The following DIS3 variants were observed in gnomAD, a reference collection of about 807,000 sequenced individuals.
DIS3 encodes exosome complex exonuclease RRP44.
In DIS3, 103 loss-of-function variants were observed where a neutral mutation model predicts 113.0. The ratio of observed to expected loss-of-function variants is 0.91; its 90% CI spans 0.78 to 1.07. The LOEUF (loss-of-function observed/expected upper bound fraction) is 1.07. Among genes scored for constraint, DIS3 ranks in the 50% least tolerant of loss-of-function variants. DIS3 has a pLI of 0.00. For missense variants in DIS3, 1,121 were observed against 1,167.1 expected (o/e 0.96, Z 0.58); for synonymous variants, 402 against 394.3 (o/e 1.02, Z -0.23).
intron 2 of DIS3, among the ~76,000 whole-genome samples, chr13:72,778,689 AAT>A (rs781117719): frequency 1.2e-4 from 19 of 152,210 alleles, no homozygotes; most frequent in Admixed American, 2.0e-4. Flanking sequence ...GACACTAAAT[AAT>A]AGTTTGTTGA....
chr13:72,772,093 A>C, intron 10 of DIS3, 66 bp downstream of exon 10: 1 of 1,380,972 alleles, frequency 7.2e-7, no homozygotes, highest in Non-Finnish European at 1.0e-6. Flanking sequence ...ATTCTATTCT[A>C]GTTCAAAAGA....
Position 72,757,901 on chromosome 13 carries a change from C to T in DIS3, c.*1894G>A, listed in dbSNP as rs2033530196. The T allele has an allele frequency of 2.0e-5, 4 of 203,592 alleles. 1 individual carries two copies. The East Asian group carries it at 3.0e-4, about 15-fold the overall frequency. 12.6% of individuals were successfully genotyped at this position (203,592 alleles called of 1,614,324 possible). A position where few individuals can be genotyped will look rare whatever the true frequency, so the allele number is the denominator to read the frequency against. On this transcript the variant is annotated 3_prime_UTR_variant, in exon 21 of 21. Transcript: ENST00000377767. The stretch of plus-strand genomic sequence containing the variant: ...GAAAAATTCCTATTGCCTGGGGACA[C>T]AGCCATGGTAACATCATAGTGAAAT...
At chr13:72,763,072 A>G (rs937861794) in intron 16 of DIS3, among the ~76,000 whole-genome samples, 2 of 151,994 alleles carry the variant, frequency 1.3e-5, no homozygotes, top group African/African-American at 4.8e-5. Flanking sequence ...CCGAGATGAG[A>G]TAATTACTTG....
At chr13:72,772,128 T>C in intron 10 of DIS3, 31 bp downstream of exon 10, 1 of 1,539,128 alleles carries the variant, frequency 6.5e-7, no homozygotes. Context: ...CAGAACTATA[T>C]TTAGGTAAGA....
chr13:72,773,821 A>T lies in DIS3; in HGVS notation c.1102T>A (p.Ser368Thr), dbSNP rs1192509873. ...GCAGGTGTAAAGAGATGTCTTCTTG[A>T]CTAGCAAAAATTAGGAATAAAGATT... ...GMLSKSDIKE[S>T]RRHLFTPADK... The change falls in exon 8 of 21, where the codon TCA (serine) becomes ACA (threonine). Residue 368 changes from serine (S) to threonine (T), a missense_variant and splice_region_variant. By Grantham distance (58) the Ser-to-Thr change is moderately conservative. Transcript: ENST00000377767. 2.5e-6 allele frequency: 4 copies of T among 1,603,804 alleles called. No individual in the cohort carries two copies. Among genetic ancestry groups the T allele is most frequent in the African/African-American group, 2.7e-5 (2 of 74,228 alleles).
At chr13:72,765,300 A>AGTAATAACAGCAGAGGGATCC (rs1566241557) in intron 15 of DIS3, among the ~76,000 whole-genome samples, 3 of 152,206 alleles carry the variant, frequency 2.0e-5, no homozygotes, top group Non-Finnish European at 4.4e-5. Flanking sequence ...GAAATATAAT[A>AGTAATAACAGCAGAGGGATCC]GTAATAACAG....
rs2033901063 is a variant in DIS3 at position 72,772,183 on chromosome 13, T to A, written c.1479A>T (p.Arg493=). ...CCTCCAAATTTCCATTTTCGAGTTC[T>A]CGACAATGTAGAGCATCGTCTATAT... is the stretch of plus-strand genomic sequence containing the variant. The part of the protein sequence containing the change: ...CTDIDDALHC[R]ELENGNLEVG... Residue 493 remains arginine (R), a synonymous_variant, in exon 10 of 21, where the codon CGA becomes CGT. Coordinates refer to ENST00000377767, the MANE Select transcript of DIS3 (RefSeq NM_014953.5). 6.2e-7 allele frequency: 1 copy of A among 1,613,308 alleles called. No individual in the cohort carries two copies. The highest frequency in any genetic ancestry group is 2.2e-5 in the East Asian group (1 of 44,856).
intron 2 of DIS3, 33 bp downstream of exon 2, chr13:72,780,813 G>T: frequency 6.4e-7 from 1 of 1,562,518 alleles, no homozygotes. Flanking sequence ...TAATCCTGTG[G>T]TTTTCTGATA....
rs765661252 is a variant in DIS3, at chr13:72,773,653, TC to T, written c.1239+30del. 60 of 1,584,746 alleles carry T rather than the reference TC, an allele frequency of 3.8e-5. No individual in the cohort carries two copies. The Middle Eastern group carries it at 1.5e-3, about 40-fold the overall frequency. On this transcript the variant is annotated intron_variant, in intron 8 of 20. Transcript: ENST00000377767. The stretch of plus-strand genomic sequence containing the variant: ...CTATTCACAAAATTTTAATTAAACA[TC>T]CCCACATAAAATTAATACTTTAAGC...
rs370081794 is a variant in DIS3, at chr13:72,776,090, A to C, written c.657T>G (p.Asn219Lys). Residue 219 changes from asparagine (N) to lysine (K), a missense_variant and splice_region_variant, in exon 5 of 21, where the codon AAT (asparagine) becomes AAG (lysine). Physicochemically the swap from Asn to Lys is moderately conservative, Grantham distance 94. Transcript: ENST00000377767. ...DRLACLSEEG[N>K]EIESGKIIFS... ...ATATTATTTTTCCACTTTCTATTTC[A>C]TTCTATGAAAGAAGCAAACCAAAAG... is the stretch of plus-strand genomic sequence containing the variant. 2 of 1,590,988 alleles carry C rather than the reference A, an allele frequency of 1.3e-6. No individual in the cohort carries two copies. The highest frequency in any genetic ancestry group is 1.7e-6 in the Non-Finnish European group (2 of 1,173,652).
chr13:72,753,470 A>G lies in DIS3; in HGVS notation c.*6325T>C, dbSNP rs1177697594. ...CTGATTCTTAAGGAAGTTACAAGAT[A>G]TATTTCATTGGAAGGAATTGTAAAA... On this transcript the variant is annotated 3_prime_UTR_variant, in exon 21 of 21. Transcript: ENST00000377767. 3 of 391,626 alleles carry G rather than the reference A, an allele frequency of 7.7e-6. No individual in the cohort carries two copies. The highest frequency in any genetic ancestry group is 1.4e-5 in the Non-Finnish European group (3 of 221,588). The allele number at this position is 391,626 out of a possible 1,614,324, so 24.3% of individuals were successfully genotyped here. A position where few individuals can be genotyped will look rare whatever the true frequency, so the allele number is the denominator to read the frequency against.
rs1255449349 is a variant in DIS3, at chr13:72,757,449, G to A, written c.*2346C>T. 7.9e-6 allele frequency: 1 copy of A among 127,130 alleles called. No homozygotes were observed. The highest frequency in any genetic ancestry group is 2.9e-5 in the African/African-American group (1 of 34,910). 7.9% of individuals were successfully genotyped at this position (127,130 alleles called of 1,614,324 possible). ...TTTTTTTTTTTTTTTTTTTGCGATGGAGTCTCACTCTCATCATCCAGGCTG... is the reference window on the plus strand; with the variant it reads ...TTTTTTTTTTTTTTTTTTTGCGATGAAGTCTCACTCTCATCATCCAGGCTG... On this transcript the variant is annotated 3_prime_UTR_variant, in exon 21 of 21. Transcript: ENST00000377767.
rs375530402 is a variant in DIS3 at position 72,753,664 on chromosome 13, T to C, written c.*6131A>G. On this transcript the variant is annotated 3_prime_UTR_variant, in exon 21 of 21. Coordinates refer to ENST00000377767, the MANE Select transcript of DIS3 (RefSeq NM_014953.5). Reference sequence around the variant, plus strand: ...TTTGACTTTTAAGTTCCTCACAATATATTTTTTTCTTTTTTCTCCTGTCAG... The same window carrying C: ...TTTGACTTTTAAGTTCCTCACAATACATTTTTTTCTTTTTTCTCCTGTCAG... 8 of 1,598,528 alleles carry C rather than the reference T, an allele frequency of 5.0e-6. No individual in the cohort carries two copies. In the African/African-American group the frequency reaches 8.1e-5, roughly 16 times the overall value.
chr13:72,761,046 A>G (rs1200647856), intron 19 of DIS3, among the ~76,000 whole-genome samples: 2 of 152,094 alleles, frequency 1.3e-5, no homozygotes, highest in African/African-American at 4.8e-5. Context: ...CACTAGAAGT[A>G]AGTTTAAAAA....
rs950744733 is a variant in DIS3 at position 72,763,558 on chromosome 13, C to T, written c.2020G>A (p.Val674Ile). Residue 674 changes from valine (V) to isoleucine (I), a missense_variant, in exon 16 of 21, where the codon GTT becomes ATT. Physicochemically the swap from Val to Ile is conservative, Grantham distance 29. Transcript: ENST00000377767. ...EEFMLLANIS[V>I]AKKIHEEFSE... is the part of the protein sequence containing the mutation. ...AATTCCTCATGAATTTTTTTTGCAA[C>T]AGAAATATTGGCAAGTAACATAAAT... is the stretch of plus-strand genomic sequence containing the variant. 8 of 1,613,216 alleles carry T rather than the reference C, an allele frequency of 5.0e-6. No homozygotes were observed. The highest frequency in any genetic ancestry group is 1.7e-5 in the Admixed American group (1 of 59,902).
At chr13:72,771,960 T>C in intron 10 of DIS3, 64 bp from the exon 11 acceptor site, 1 of 1,525,770 alleles carries the variant, frequency 6.6e-7, no homozygotes. Context: ...CTAATGGAGT[T>C]TTAATAAGAT....
chr13:72,772,743 G>A lies in DIS3; in HGVS notation c.1336C>T (p.Gln446Ter). ...EHDVPHQPFS[Q>*]AVLSFLPKMP... is the part of the protein sequence containing the mutation. ...TTTGGCAGAAAACTAAGAACAGCCT[G>A]TGAAAAAGGCTGATGGGGAACATCG... Residue 446 changes from glutamine to a stop codon, truncating the protein, a stop_gained, in exon 9 of 21, where the codon CAG becomes TAG. Coordinates refer to ENST00000377767, the MANE Select transcript of DIS3 (RefSeq NM_014953.5). LOFTEE classifies it high-confidence loss of function. The A allele has an allele frequency of 2.5e-6, 4 of 1,613,400 alleles. No homozygotes were observed. Among genetic ancestry groups the A allele is most frequent in the Non-Finnish European group, 3.4e-6 (4 of 1,179,830 alleles).
chr13:72,756,895 G>A lies in DIS3; in HGVS notation c.*2900C>T, dbSNP rs1042221343. The A allele has an allele frequency of 4.6e-5, 7 of 152,174 alleles. No individual in the cohort carries two copies. The highest frequency in any genetic ancestry group is 4.2e-4 in the South Asian group (2 of 4,814). The allele number at this position is 152,174 out of a possible 1,614,324, so 9.4% of individuals were successfully genotyped here. On this transcript the variant is annotated 3_prime_UTR_variant, in exon 21 of 21. Coordinates refer to ENST00000377767, the MANE Select transcript of DIS3 (RefSeq NM_014953.5). ...ATTACCCAGTTTGGGGTATTTCTTC[G>A]TAGCAGTGTGAGAACAGACCATAAA...
rs755879087 is a variant in DIS3 at position 72,780,883 on chromosome 13, C to G, written c.349G>C (p.Glu117Gln). The G allele has an allele frequency of 6.2e-7, 1 of 1,610,876 alleles. No individual in the cohort carries two copies. ...TTAGTGAAAGTATAGAAATGCTTCTCTTGGTTATTAGTCACATCTCGGATG... is the reference window on the plus strand; with the variant it reads ...TTAGTGAAAGTATAGAAATGCTTCTGTTGGTTATTAGTCACATCTCGGATG... ...KRIRDVTNNQ[E>Q]KHFYTFTNEH... is the part of the protein sequence containing the mutation. Residue 117 changes from glutamate (E) to glutamine (Q), a missense_variant, in exon 2 of 21, where the codon GAG (glutamate) becomes CAG (glutamine). Transcript: ENST00000377767.
Sources: allele counts gnomAD v4.1 joint callset (sites outside exome capture counted in the v4.1 genomes callset), GRCh38; gene constraint gnomAD v4.1.1; transcripts MANE v1.5; gene names NCBI Gene and HGNC (gene_info 2026-07-23, HGNC 2026-07-21).